Variants in PIGR observed in about 807,000 individuals in gnomAD.
PIGR encodes polymeric immunoglobulin receptor, also known as hepatocellular carcinoma associated protein TB6.
A neutral mutation model predicts 69.5 loss-of-function variants in PIGR; 22 were observed. That is an observed-to-expected ratio of 0.32 (90% confidence interval 0.23 to 0.45). PIGR has a LOEUF of 0.45. Ranked by LOEUF, PIGR falls within the 20% of genes least tolerant of loss-of-function variation. The probability of loss-of-function intolerance (pLI) is 1.00; values close to 1 mark genes in which losing one functional copy is unlikely to be tolerated. For missense variants in PIGR, 885 were observed against 974.0 expected (o/e 0.91, Z 1.22); for synonymous variants, 413 against 407.6 (o/e 1.01, Z -0.16).
chr1:206,939,027 C>G (rs1480711308), intron 3 of PIGR, 92 bp downstream of exon 3: 1 of 1,148,684 alleles, frequency 8.7e-7, no homozygotes, highest in Non-Finnish European at 1.2e-6. Context: ...GGCTACACAT[C>G]CTTGTCAGGA....
intron 3 of PIGR, among the ~76,000 whole-genome samples, chr1:206,938,825 C>A (rs1679921286): frequency 6.6e-6 from 1 of 152,116 alleles, no homozygotes; most frequent in African/African-American, 2.4e-5. Context: ...TCCCTTTCTA[C>A]CTGTAGCAAA....
chr1:206,943,196 C>A (rs556673373), intron 1 of PIGR, among the ~76,000 whole-genome samples: 151 of 152,232 alleles, frequency 9.9e-4, no homozygotes, highest in Non-Finnish European at 1.7e-3. Context: ...AGGTTCTTTT[C>A]TTGTAAGACT....
rs1317472229 is a variant in PIGR, at chr1:206,937,504, G to A, written c.636C>T (p.Leu212=). ...LFSVVINQLR[L]SDAGQYLCQA... ...GGCAGAGATACTGCCCAGCATCGCT[G>A]AGCCTGAGTTGGTTGATGACAACGC... The change falls in exon 4 of 11, where the codon CTC becomes CTT. Residue 212 remains leucine (L), a synonymous_variant. Transcript: ENST00000356495. 4.3e-6 allele frequency: 7 copies of A among 1,614,210 alleles called. No homozygotes were observed. Among genetic ancestry groups the A allele is most frequent in the Admixed American group, 1.7e-5 (1 of 60,026 alleles).
At chr1:206,938,157 T>C (rs1200533970) in intron 3 of PIGR, among the ~76,000 whole-genome samples, 1 of 152,258 alleles carries the variant, frequency 6.6e-6, no homozygotes, top group Non-Finnish European at 1.5e-5. Context: ...AGAATGAATG[T>C]AAATGCAGGG....
rs1263149046 is a variant in PIGR, at chr1:206,937,586, G to A, written c.554C>T (p.Pro185Leu). The part of the protein sequence containing the change: ...LVIDSSGYVN[P>L]NYTGRIRLDI... Reference sequence around the variant, plus strand: ...AAGGCGTATTCTTCCTGTATAGTTGGGATTTACATAACCACTGGAGTCGAT... The same window carrying A: ...AAGGCGTATTCTTCCTGTATAGTTGAGATTTACATAACCACTGGAGTCGAT... The change falls in exon 4 of 11, where the codon CCC becomes CTC. Residue 185 changes from proline (P) to leucine (L), a missense_variant. Physicochemically the swap from Pro to Leu is moderately conservative, Grantham distance 98. Coordinates refer to ENST00000356495, the MANE Select transcript of PIGR (RefSeq NM_002644.4). 1 of 1,614,044 alleles carries A rather than the reference G, an allele frequency of 6.2e-7. No homozygotes were observed. The highest frequency in any genetic ancestry group is 1.1e-5 in the South Asian group (1 of 91,064).
Position 206,930,786 on chromosome 1 carries a change from T to C in PIGR, c.2200-373A>G, listed in dbSNP as rs1679724173. 1 of 985,278 alleles carries C rather than the reference T, an allele frequency of 1.0e-6. No individual in the cohort carries two copies. Among genetic ancestry groups the C allele is most frequent in the Admixed American group, 6.1e-5 (1 of 16,262 alleles). 61.0% of individuals were successfully genotyped at this position (985,278 alleles called of 1,614,324 possible). A position where few individuals can be genotyped will look rare whatever the true frequency, so the allele number is the denominator to read the frequency against. ...TCCACCAGCCCAGACAGGTAGCTTT[T>C]TGGCACCACAAAGTTAAAGGGGAAG... is the stretch of plus-strand genomic sequence containing the variant. On this transcript the variant is annotated intron_variant, in intron 10 of 10. Transcript: ENST00000356495. This position sits in a 1 kb window ranked among gnomAD's most constrained non-coding sequence, Gnocchi z 4.3.
chr1:206,943,096 G>A (rs940595687), intron 1 of PIGR, among the ~76,000 whole-genome samples: 1 of 152,156 alleles, frequency 6.6e-6, no homozygotes, highest in African/African-American at 2.4e-5. Flanking sequence ...CCCAGCCCAG[G>A]GTGGCTGGGG....
At position 206,935,514 on chromosome 1, in the gene PIGR, C is replaced by A; in HGVS notation, c.1350G>T (p.Arg450Ser). ...CGATAATCTTGATCTCCACGGTGGT[C>A]CTCCAGAGAGTATCGCCGTTGGTCA... ...WCLTNGDTLWRTTVEIKIIEG... is the reference protein window; with the variant it reads ...WCLTNGDTLWSTTVEIKIIEG... The change falls in exon 5 of 11, where the codon AGG (arginine) becomes AGT (serine). Residue 450 changes from arginine (R) to serine (S), a missense_variant. Physicochemically the swap from Arg to Ser is moderately radical, Grantham distance 110. Coordinates refer to ENST00000356495, the MANE Select transcript of PIGR (RefSeq NM_002644.4). The surrounding 1 kb of genome is among the most constrained non-coding windows in gnomAD (Gnocchi z 4.4). The A allele has an allele frequency of 6.2e-7, 1 of 1,613,932 alleles. No individual in the cohort carries two copies. The highest frequency in any genetic ancestry group is 8.5e-7 in the Non-Finnish European group (1 of 1,179,878).
At chr1:206,934,298 A>G (rs938700955) in intron 6 of PIGR, 122 bp downstream of exon 6, 9 of 804,176 alleles carry the variant, frequency 1.1e-5, no homozygotes, top group Non-Finnish European at 1.7e-5. Context: ...CCCACTCTCC[A>G]CTTTCAGCCT....
intron 1 of PIGR, among the ~76,000 whole-genome samples, chr1:206,942,368 G>A (rs191459166): frequency 5.7e-4 from 87 of 152,362 alleles, no homozygotes; most frequent in Admixed American, 1.6e-3. Context: ...TCCCAGGTGG[G>A]AGCAGCTTTC....
Position 206,933,017 on chromosome 1 carries a change from C to G in PIGR, c.1855G>C (p.Asp619His). Residue 619 changes from aspartate (D) to histidine (H), a missense_variant, in exon 7 of 11, where the codon GAT becomes CAT. Transcript: ENST00000356495. ...GAATCCACAGATGCTCTGCTCCCAT[C>G]GGCTTGATCTCTTGTATCTGCCACC... ...KAVADTRDQA[D>H]GSRASVDSGS... 6.2e-7 allele frequency: 1 copy of G among 1,614,172 alleles called. No individual in the cohort carries two copies. The highest frequency in any genetic ancestry group is 8.5e-7 in the Non-Finnish European group (1 of 1,180,044).
intron 4 of PIGR, among the ~76,000 whole-genome samples, chr1:206,936,137 T>A (rs1440662205): frequency 6.6e-6 from 1 of 152,216 alleles, no homozygotes; most frequent in Admixed American, 6.5e-5. Context: ...TCTTACAAAG[T>A]CTCCCTCTGT....
Position 206,932,437 on chromosome 1 carries a change from G to A in PIGR, c.2008+19C>T. 1.9e-6 allele frequency: 3 copies of A among 1,600,380 alleles called. No homozygotes were observed. Among genetic ancestry groups the A allele is most frequent in the Non-Finnish European group, 2.6e-6 (3 of 1,174,052 alleles). ...GCTCGGGTTGGAGGTGGGAGGCAGG[G>A]AGTATCCCAGGGACTCACCGACGTT... On this transcript the variant is annotated intron_variant, in intron 8 of 10. Transcript: ENST00000356495.
intron 3 of PIGR, 99 bp from the exon 4 acceptor site, chr1:206,937,850 A>G: frequency 5.5e-6 from 6 of 1,085,642 alleles, no homozygotes; most frequent in Non-Finnish European, 5.3e-6. Context: ...GTGTGGGTGG[A>G]CTTATAACCT....
At chr1:206,936,282 T>C (rs1293416925) in intron 4 of PIGR, among the ~76,000 whole-genome samples, 2 of 152,178 alleles carry the variant, frequency 1.3e-5, no homozygotes, top group African/African-American at 2.4e-5. Flanking sequence ...GTGAGCTTAA[T>C]TGTTGGGGCC....
chr1:206,930,306 C>T lies in PIGR; in HGVS notation c.*12G>A, dbSNP rs1464736999. ...GATTGTCATGGGTGCAGGGAGCAGG[C>T]GGCGACACCGTCTAGGCTTCCTGGG... On this transcript the variant is annotated 3_prime_UTR_variant, in exon 11 of 11. Coordinates refer to ENST00000356495, the MANE Select transcript of PIGR (RefSeq NM_002644.4). This position sits in a 1 kb window ranked among gnomAD's most constrained non-coding sequence, Gnocchi z 4.3. The T allele has an allele frequency of 4.4e-6, 7 of 1,605,070 alleles. No homozygotes were observed. The highest frequency in any genetic ancestry group is 1.7e-5 in the Admixed American group (1 of 59,120).
chr1:206,934,911 G>C (rs1679835029), intron 5 of PIGR, among the ~76,000 whole-genome samples, 165 bp from the exon 6 acceptor site: 1 of 151,986 alleles, frequency 6.6e-6, no homozygotes, highest in Non-Finnish European at 1.5e-5. Context: ...CAGGCTGGAG[G>C]GTAGTGGTGC....
intron 1 of PIGR, among the ~76,000 whole-genome samples, chr1:206,945,983 G>A (rs1680098630): frequency 6.6e-6 from 1 of 152,186 alleles, no homozygotes; most frequent in Non-Finnish European, 1.5e-5. Context: ...AGAGAGGTTA[G>A]GTGGCTTGTC....
At position 206,940,498 on chromosome 1, in the gene PIGR, C is replaced by T. The variant is rs1014322509; in HGVS notation, c.34G>A (p.Val12Ile). Reference protein sequence around the residue: ...LLFVLTCLLAVFPAISTKSPI... With the variant: ...LLFVLTCLLAIFPAISTKSPI... ...GGCCTGGCAGACACACCTGGGAAGA[C>T]CGCCAGCAGGCAGGTGAGCACGAAG... Residue 12 changes from valine to isoleucine, a missense_variant, in exon 2 of 11, where the codon GTC becomes ATC. By Grantham distance (29) the Val-to-Ile change is conservative. Coordinates refer to ENST00000356495, the MANE Select transcript of PIGR (RefSeq NM_002644.4). 34 of 1,551,410 alleles carry T rather than the reference C, an allele frequency of 2.2e-5. No individual in the cohort carries two copies. In the Admixed American group the frequency reaches 3.1e-4, roughly 14 times the overall value.
Sources: gnomAD v4.1 joint callset for allele counts (sites outside exome capture counted in the v4.1 genomes callset) on GRCh38, gnomAD v4.1.1 for gene constraint, Gnocchi (gnomAD v3.1) non-coding constraint, MANE v1.5 for transcripts, NCBI Gene and HGNC (gene_info 2026-07-23, HGNC 2026-07-21) for gene names.